TRPM2: variants seen among roughly 807,000 people sequenced by gnomAD.
The protein encoded by TRPM2 is transient receptor potential cation channel subfamily M member 2.
TRPM2 carries 161 observed loss-of-function variants against 174.0 expected under a neutral mutation model. The observed-to-expected ratio is 0.93, with a 90% CI of 0.81 to 1.05. The LOEUF (loss-of-function observed/expected upper bound fraction) is 1.05, where lower values mean the gene tolerates loss of function less well. TRPM2 is among the 50% of genes least tolerant of loss of function. The probability of loss-of-function intolerance (pLI) is 0.00; values close to 1 mark genes in which losing one functional copy is unlikely to be tolerated. For missense variants in TRPM2, 2,057 were observed against 2,038.0 expected (o/e 1.01, Z -0.18); for synonymous variants, 954 against 861.3 (o/e 1.11, Z -1.88).
In TRPM2 at chr21:44,391,319, G is replaced by A; in HGVS notation, c.1488G>A (p.Lys496=). Residue 496 remains lysine (K), a synonymous_variant, in exon 11 of 32, where the codon AAG becomes AAA. Coordinates refer to ENST00000397928, the MANE Select transcript of TRPM2 (RefSeq NM_003307.4). The surrounding 1 kb of genome is among the most constrained non-coding windows in gnomAD (Gnocchi z 5.0). ...TGACAGCTGCACTCATCTCCAACAA[G>A]CCTGAGTTTGTGAAGCTCTTCCTGG... ...PTMTAALISN[K]PEFVKLFLEN... is the part of the protein sequence containing the mutation. 1.2e-6 allele frequency: 2 copies of A among 1,614,142 alleles called. No individual in the cohort carries two copies. The highest frequency in any genetic ancestry group is 1.7e-6 in the Non-Finnish European group (2 of 1,180,040).
rs537569443 is a variant in TRPM2, at chr21:44,391,976, T to C, written c.1794+351T>C. ...TTCTTTTTCTTTTATTTATTTTTTA[T>C]TTTTTTGAGACAGGGTCTCACTCTG... is the stretch of plus-strand genomic sequence containing the variant. On this transcript the variant is annotated intron_variant, in intron 11 of 31. Transcript: ENST00000397928. This position sits in a 1 kb window ranked among gnomAD's most constrained non-coding sequence, Gnocchi z 5.0. Among the ~76,000 whole-genome samples the C allele has an allele frequency of 7.9e-5, 12 of 152,214 alleles. No individual in the cohort carries two copies. In the South Asian group the frequency reaches 2.5e-3, roughly 32 times the overall value.
chr21:44,427,711 C>G (rs1468467508), intron 27 of TRPM2, among the ~76,000 whole-genome samples: 1 of 152,128 alleles, frequency 6.6e-6, no homozygotes, highest in Non-Finnish European at 1.5e-5. Flanking sequence ...AACCATGGAG[C>G]AGAGGAACCA....
In TRPM2 at chr21:44,403,577, CAT is replaced by C. The variant is rs550731735; in HGVS notation, c.2539-1563_2539-1562del. ...ACATACATACATGCATATGTACACA[CAT>C]ACATGCACACACATGCACACAGTAC... On this transcript the variant is annotated intron_variant, in intron 16 of 31. Transcript: ENST00000397928. Among the ~76,000 whole-genome samples the C allele has an allele frequency of 1.1e-3, 171 of 150,158 alleles. 1 individual carries two copies. Among genetic ancestry groups the C allele is most frequent in the Non-Finnish European group, 2.1e-3 (144 of 67,920 alleles).
intron 27 of TRPM2, among the ~76,000 whole-genome samples, chr21:44,428,513 T>TC (rs1485734339): frequency 5.0e-5 from 7 of 140,416 alleles, no homozygotes; most frequent in South Asian, 2.4e-4. Flanking sequence ...GTGTGGCTCC[T>TC]CCCTGAGGTG....
intron 27 of TRPM2, among the ~76,000 whole-genome samples, chr21:44,428,260 C>T (rs1369258761): frequency 6.6e-6 from 1 of 152,160 alleles, no homozygotes; most frequent in East Asian, 1.9e-4. Flanking sequence ...TTTAATACAG[C>T]TGAAGGCTGA....
chr21:44,434,773 G>A (rs913026970), intron 27 of TRPM2, among the ~76,000 whole-genome samples: 8 of 152,108 alleles, frequency 5.3e-5, no homozygotes, highest in African/African-American at 1.4e-4. Context: ...CCATGCTCTC[G>A]CGTGCTGGGG....
intron 5 of TRPM2, among the ~76,000 whole-genome samples, chr21:44,371,908 G>A (rs1247042910): frequency 1.3e-5 from 2 of 151,564 alleles, no homozygotes; most frequent in African/African-American, 2.4e-5. Flanking sequence ...TGAGATGGGC[G>A]GATCACTTGA....
intron 22 of TRPM2, among the ~76,000 whole-genome samples, chr21:44,419,210 C>T (rs182470380): frequency 2.0e-5 from 3 of 152,242 alleles, no homozygotes; most frequent in East Asian, 1.9e-4. Context: ...GAAATGGACA[C>T]GGTGCCACCT....
At chr21:44,435,351 G>A (rs541191623) in intron 28 of TRPM2, 134 bp downstream of exon 28, 2 of 885,434 alleles carry the variant, frequency 2.3e-6, no homozygotes, top group African/African-American at 1.7e-5. Flanking sequence ...GCCTACTGGG[G>A]GGATGCGGGA....
intron 27 of TRPM2, among the ~76,000 whole-genome samples, chr21:44,428,447 G>A (rs572075756): frequency 1.3e-4 from 18 of 137,306 alleles, no homozygotes; most frequent in African/African-American, 4.8e-4. Flanking sequence ...CTCCCCTTAG[G>A]TCTGGCCCCT....
chr21:44,429,375 C>A (rs2050949922), intron 27 of TRPM2, among the ~76,000 whole-genome samples: 1 of 145,740 alleles, frequency 6.9e-6, no homozygotes, highest in Admixed American at 7.1e-5. Flanking sequence ...ACAACCTCTG[C>A]CTCCTGGGTT....
intron 27 of TRPM2, among the ~76,000 whole-genome samples, chr21:44,434,262 C>T (rs970903504): frequency 1.5e-4 from 23 of 150,196 alleles, no homozygotes; most frequent in African/African-American, 3.2e-4. Flanking sequence ...GTGGCGGGGA[C>T]GCTGGCGGGG....
chr21:44,360,960 C>T (rs1228599331), intron 2 of TRPM2, among the ~76,000 whole-genome samples: 4 of 152,090 alleles, frequency 2.6e-5, no homozygotes, highest in African/African-American at 7.2e-5. Flanking sequence ...GTACTTCCTC[C>T]GTATGGTCAG....
chr21:44,354,066 C>T lies in TRPM2; in HGVS notation c.165+201C>T, dbSNP rs2047987752. Among the ~76,000 whole-genome samples, 1 of 152,142 alleles carries T rather than the reference C, an allele frequency of 6.6e-6. No individual in the cohort carries two copies. The highest frequency in any genetic ancestry group is 6.5e-5 in the Admixed American group (1 of 15,280). ...CTTCTGTGGGTTGCATGACCATTTC[C>T]CATGGTTGGTCTGATTGGGAAATCA... On this transcript the variant is annotated intron_variant, in intron 1 of 31. Coordinates refer to ENST00000397928, the MANE Select transcript of TRPM2 (RefSeq NM_003307.4). This position sits in a 1 kb window ranked among gnomAD's most constrained non-coding sequence, Gnocchi z 4.3.
chr21:44,418,009 C>T lies in TRPM2; in HGVS notation c.3229C>T (p.Arg1077Cys), dbSNP rs200346541. 119 of 1,612,806 alleles carry T rather than the reference C, an allele frequency of 7.4e-5. 1 individual carries two copies. The East Asian group carries it at 1.4e-3, about 18-fold the overall frequency. ...TGACCTGATCGAGGAGTACCACGGC[C>T]GCCCCGCCGCGCCGCCCCCCTTCAT... ...RHDLIEEYHG[R>C]PAAPPPFILL... is the part of the protein sequence containing the mutation. Residue 1077 changes from arginine (R) to cysteine (C), a missense_variant, in exon 21 of 32, where the codon CGC becomes TGC. By Grantham distance (180) the Arg-to-Cys change is radical. Coordinates refer to ENST00000397928, the MANE Select transcript of TRPM2 (RefSeq NM_003307.4).
At chr21:44,403,972 GCACATACACATGCATACACACATA>G (rs1236930397) in intron 16 of TRPM2, among the ~76,000 whole-genome samples, 1 of 139,068 alleles carries the variant, frequency 7.2e-6, no homozygotes, top group Non-Finnish European at 1.6e-5. Flanking sequence ...ATACACACAT[GCACATACACATGCATACACACATA>G]CACATACACA....
chr21:44,390,542 A>G (rs1042996016), intron 9 of TRPM2, among the ~76,000 whole-genome samples: 1 of 152,034 alleles, frequency 6.6e-6, no homozygotes, highest in Non-Finnish European at 1.5e-5. Flanking sequence ...TGAGTTTTGG[A>G]TGTTAGTGTA....
chr21:44,384,125 A>G (rs932423048), intron 9 of TRPM2, among the ~76,000 whole-genome samples: 14 of 152,194 alleles, frequency 9.2e-5, no homozygotes, highest in Non-Finnish European at 1.5e-5. Context: ...GACTAAGAAA[A>G]AAGAAAGAAG....
At chr21:44,377,275 GACGTGCC>G (rs1345063603) in intron 6 of TRPM2, among the ~76,000 whole-genome samples, 1 of 152,218 alleles carries the variant, frequency 6.6e-6, no homozygotes, top group Admixed American at 6.5e-5. Flanking sequence ...ACACAGGATG[GACGTGCC>G]GCATGCTGCT....
Sources: gnomAD v4.1 joint callset for allele counts (sites outside exome capture counted in the v4.1 genomes callset) on GRCh38, gnomAD v4.1.1 for gene constraint, Gnocchi (gnomAD v3.1) non-coding constraint, MANE v1.5 for transcripts, NCBI Gene and HGNC (gene_info 2026-07-23, HGNC 2026-07-21) for gene names.